Variants in CNTNAP5 observed in about 807,000 individuals in gnomAD.
CNTNAP5 encodes the protein contactin-associated protein-like 5.
Under a neutral mutation model 150.2 loss-of-function variants are expected in CNTNAP5, and 72 were observed. The ratio of observed to expected loss-of-function variants is 0.48; its 90% CI spans 0.40 to 0.58. CNTNAP5 has a LOEUF of 0.58. Among genes scored for constraint, CNTNAP5 ranks in the 20% least tolerant of loss-of-function variants. The pLI is 0.00. For missense variants in CNTNAP5, 1,636 were observed against 1,626.2 expected, an observed-to-expected ratio of 1.01 and a Z score of -0.10; for synonymous variants, 672 against 619.8, an observed-to-expected ratio of 1.08 and a Z score of -1.25.
At chr2:124,485,760 G>T (rs143006032) in intron 7 of CNTNAP5, among the ~76,000 whole-genome samples, 1 of 152,210 alleles carries the variant, frequency 6.6e-6, no homozygotes, top group Non-Finnish European at 1.5e-5. Context: ...GGTCAACCAT[G>T]CAGATTCCCT....
rs137936663 is a variant in CNTNAP5 at position 124,080,846 on chromosome 2, C to T, written c.82+55114C>T. ...AGAACAACCTTAAAAACCATAGACA[C>T]GGAGATTCTGAAATATCAGGAGAAG... On this transcript the variant is annotated intron_variant, in intron 1 of 23. Transcript: ENST00000682447. 1.5e-3 allele frequency among the ~76,000 whole-genome samples: 232 copies of T among 152,238 alleles called. 2 individuals carry two copies. Among genetic ancestry groups the T allele is most frequent in the African/African-American group, 5.2e-3 (217 of 41,542 alleles).
Position 124,235,976 on chromosome 2 carries a change from T to C in CNTNAP5, c.188-6224T>C, listed in dbSNP as rs971297877. Among the ~76,000 whole-genome samples, 19 of 113,742 alleles carry C rather than the reference T, an allele frequency of 1.7e-4. 1 individual carries two copies. The highest frequency in any genetic ancestry group is 1.3e-3 in the Admixed American group (14 of 11,154). The allele number at this position is 113,742 out of a possible 152,430, so 74.6% of individuals were successfully genotyped here. On this transcript the variant is annotated intron_variant, in intron 2 of 23. Transcript: ENST00000682447. Reference sequence around the variant, plus strand: ...ATTTATTTATTTATTTATTTATTTATTTATTTAGTGATGAAGTCCCACTCT... The same window carrying C: ...ATTTATTTATTTATTTATTTATTTACTTATTTAGTGATGAAGTCCCACTCT...
intron 11 of CNTNAP5, among the ~76,000 whole-genome samples, chr2:124,574,230 C>CTCT (rs1696226877): frequency 6.6e-6 from 1 of 152,132 alleles, no homozygotes; most frequent in South Asian, 2.1e-4. Context: ...GAGTCAGATC[C>CTCT]TCTCTGCCAC....
intron 4 of CNTNAP5, among the ~76,000 whole-genome samples, chr2:124,432,392 C>T (rs1391136279): frequency 6.6e-6 from 1 of 152,172 alleles, no homozygotes; most frequent in Non-Finnish European, 1.5e-5. Flanking sequence ...CACTGGGTCC[C>T]TCCTTTCCCT....
At chr2:124,371,218 G>T (rs923912423) in intron 3 of CNTNAP5, among the ~76,000 whole-genome samples, 1 of 152,080 alleles carries the variant, frequency 6.6e-6, no homozygotes, top group African/African-American at 2.4e-5. Flanking sequence ...TTTTGCTTTT[G>T]CTGTTTTCTC....
At chr2:124,539,436 T>G (rs76191877) in intron 10 of CNTNAP5, among the ~76,000 whole-genome samples, 1 of 152,172 alleles carries the variant, frequency 6.6e-6, no homozygotes, top group African/African-American at 2.4e-5. Context: ...AAAATCGATA[T>G]TCACATAAAT....
At chr2:124,392,301 A>G (rs1468891988) in intron 3 of CNTNAP5, among the ~76,000 whole-genome samples, 1 of 152,194 alleles carries the variant, frequency 6.6e-6, no homozygotes, top group Non-Finnish European at 1.5e-5. Flanking sequence ...TATGCTCAAC[A>G]ACTGCCCATG....
intron 13 of CNTNAP5, among the ~76,000 whole-genome samples, chr2:124,695,915 G>T (rs558733689): frequency 3.9e-5 from 6 of 152,218 alleles, no homozygotes; most frequent in Non-Finnish European, 7.4e-5. Flanking sequence ...TTTCCCCTAG[G>T]TAGTAGCATT....
chr2:124,304,647 A>G (rs1688637243), intron 3 of CNTNAP5, among the ~76,000 whole-genome samples: 1 of 152,188 alleles, frequency 6.6e-6, no homozygotes, highest in Non-Finnish European at 1.5e-5. Flanking sequence ...TTGGAAAGAG[A>G]CAAGAACAGT....
chr2:124,388,839 C>T (rs1008657131), intron 3 of CNTNAP5, among the ~76,000 whole-genome samples: 8 of 152,110 alleles, frequency 5.3e-5, no homozygotes, highest in Non-Finnish European at 1.0e-4. Flanking sequence ...CATTGTCATG[C>T]CCGGCTAATT....
At chr2:124,428,765 G>A (rs997300283) in intron 4 of CNTNAP5, among the ~76,000 whole-genome samples, 1 of 151,490 alleles carries the variant, frequency 6.6e-6, no homozygotes, top group Non-Finnish European at 1.5e-5. Flanking sequence ...CTTAGGTAAT[G>A]TGTGTATATT....
intron 10 of CNTNAP5, among the ~76,000 whole-genome samples, chr2:124,533,032 T>A (rs1410809522): frequency 6.6e-6 from 1 of 151,956 alleles, no homozygotes; most frequent in Non-Finnish European, 1.5e-5. Flanking sequence ...ATATTTCACA[T>A]TTGTCCCCCC....
At chr2:124,802,577 G>T (rs895828547) in intron 19 of CNTNAP5, among the ~76,000 whole-genome samples, 3 of 152,186 alleles carry the variant, frequency 2.0e-5, no homozygotes, top group Admixed American at 1.3e-4. Context: ...ACTTCTCTGA[G>T]TCTGGACGGT....
intron 3 of CNTNAP5, among the ~76,000 whole-genome samples, chr2:124,329,263 G>C (rs1236631235): frequency 6.6e-6 from 1 of 152,162 alleles, no homozygotes. Context: ...AAAATGTGTG[G>C]TGTGGTGACA....
At chr2:124,702,825 G>T (rs1679551062) in intron 13 of CNTNAP5, among the ~76,000 whole-genome samples, 1 of 152,064 alleles carries the variant, frequency 6.6e-6, no homozygotes, top group African/African-American at 2.4e-5. Flanking sequence ...CACAGTTAAA[G>T]GATTTATTTG....
chr2:124,618,922 G>T (rs563357212), intron 12 of CNTNAP5, among the ~76,000 whole-genome samples: 1 of 152,108 alleles, frequency 6.6e-6, no homozygotes, highest in African/African-American at 2.4e-5. Context: ...GGGTTAAATG[G>T]CACTAAGGTT....
At chr2:124,739,292 A>T (rs762719579) in intron 13 of CNTNAP5, among the ~76,000 whole-genome samples, 3 of 152,188 alleles carry the variant, frequency 2.0e-5, no homozygotes, top group Non-Finnish European at 4.4e-5. Context: ...CTTGACCAGC[A>T]AGCAGGAAGA....
At chr2:124,267,990 T>C (rs556012252) in intron 3 of CNTNAP5, among the ~76,000 whole-genome samples, 379 of 152,302 alleles carry the variant, frequency 2.5e-3, no homozygotes, top group African/African-American at 8.5e-3. Flanking sequence ...AGAACACTTA[T>C]GGTAATGTCA....
intron 1 of CNTNAP5, among the ~76,000 whole-genome samples, chr2:124,197,896 G>T (rs1685627738): frequency 6.6e-6 from 1 of 151,952 alleles, no homozygotes; most frequent in South Asian, 2.1e-4. Flanking sequence ...CAGGAGAATG[G>T]CGTGAACCCG....
Sources: allele counts gnomAD v4.1 joint callset (sites outside exome capture counted in the v4.1 genomes callset), GRCh38; gene constraint gnomAD v4.1.1; transcripts MANE v1.5; gene names NCBI Gene and HGNC (gene_info 2026-07-23, HGNC 2026-07-21).